The following SSX2IP variants were observed in gnomAD, a reference collection of about 807,000 sequenced individuals.
The protein encoded by SSX2IP is afadin- and alpha-actinin-binding protein.
Under a neutral mutation model 84.9 loss-of-function variants are expected in SSX2IP, and 55 were observed. The ratio of observed to expected loss-of-function variants is 0.65; its 90% confidence interval spans 0.52 to 0.81. The LOEUF (loss-of-function observed/expected upper bound fraction) is 0.81. Ranked by LOEUF, SSX2IP falls within the 30% of genes least tolerant of loss-of-function variation. The probability of loss-of-function intolerance (pLI) is 0.00; values close to 1 mark genes in which losing one functional copy is unlikely to be tolerated. For synonymous variants in SSX2IP, 239 were observed against 234.7 expected (o/e 1.02, Z -0.17); for missense variants, 664 against 705.2 (o/e 0.94, Z 0.66).
chr1:84,662,724 C>T (rs1557491517), intron 6 of SSX2IP, among the ~76,000 whole-genome samples, 194 bp from the exon 7 acceptor site: 3 of 152,092 alleles, frequency 2.0e-5, no homozygotes, highest in African/African-American at 7.2e-5. Context: ...TATTTAACTG[C>T]TTAGCCTGTT....
chr1:84,661,238 A>G (rs1188917668), intron 8 of SSX2IP, among the ~76,000 whole-genome samples: 1 of 152,108 alleles, frequency 6.6e-6, no homozygotes, highest in Non-Finnish European at 1.5e-5. Context: ...GCTGTTAACT[A>G]GCATTTTCCA....
rs1649273143 is a variant in SSX2IP, at chr1:84,644,694, A to G, written c.*2739T>C. The G allele has an allele frequency of 6.6e-6, 1 of 152,210 alleles. No individual in the cohort carries two copies. The highest frequency in any genetic ancestry group is 2.4e-5 in the African/African-American group (1 of 41,458). The allele number at this position is 152,210 out of a possible 1,614,324, so 9.4% of individuals were successfully genotyped here. A position where few individuals can be genotyped will look rare whatever the true frequency, so the allele number is the denominator to read the frequency against. Reference sequence around the variant, plus strand: ...AAATGTTCCACCAGGGGCAGTCAAGACTAGATTCACGGTGCTCTCTTCATC... The same window carrying G: ...AAATGTTCCACCAGGGGCAGTCAAGGCTAGATTCACGGTGCTCTCTTCATC... On this transcript the variant is annotated 3_prime_UTR_variant, in exon 14 of 14. Coordinates refer to ENST00000342203, the MANE Select transcript of SSX2IP (RefSeq NM_001166293.2).
intron 1 of SSX2IP, among the ~76,000 whole-genome samples, chr1:84,688,664 G>A (rs1410474773): frequency 6.6e-6 from 1 of 152,164 alleles, no homozygotes; most frequent in Non-Finnish European, 1.5e-5. Context: ...AACAATTTCA[G>A]CGTAACATTT....
At chr1:84,655,587 A>AG in intron 11 of SSX2IP, 1 of 1,446,252 alleles carries the variant, frequency 6.9e-7, no homozygotes, top group Non-Finnish European at 9.2e-7. Flanking sequence ...GAGAAAGCCA[A>AG]TCTGAAAGCA....
At chr1:84,672,601 C>T (rs1653743247) in intron 1 of SSX2IP, among the ~76,000 whole-genome samples, 1 of 152,152 alleles carries the variant, frequency 6.6e-6, no homozygotes, top group Non-Finnish European at 1.5e-5. Context: ...AGTTATACCT[C>T]AAACAACAGC....
intron 4 of SSX2IP, among the ~76,000 whole-genome samples, chr1:84,667,120 G>C (rs1318968308): frequency 6.6e-6 from 1 of 151,792 alleles, no homozygotes; most frequent in Non-Finnish European, 1.5e-5. Context: ...ATAACTTACA[G>C]GCACTAGGCC....
chr1:84,647,370 C>CTG lies in SSX2IP; in HGVS notation c.*61_*62dup. ...GAGATAACTGACTTTATGACACACC[C>CTG]TGTTTCAACTTAGATGTGAAACTTG... On this transcript the variant is annotated 3_prime_UTR_variant, in exon 14 of 14. Transcript: ENST00000342203. The CTG allele has an allele frequency of 1.4e-6, 2 of 1,405,924 alleles. No individual in the cohort carries two copies. Among genetic ancestry groups the CTG allele is most frequent in the Non-Finnish European group, 1.9e-6 (2 of 1,045,566 alleles). 87.1% of individuals were successfully genotyped at this position (1,405,924 alleles called of 1,614,324 possible). A position where few individuals can be genotyped will look rare whatever the true frequency, so the allele number is the denominator to read the frequency against.
At chr1:84,683,101 C>G (rs187695633) in intron 1 of SSX2IP, among the ~76,000 whole-genome samples, 184 of 151,928 alleles carry the variant, frequency 1.2e-3, no homozygotes, top group African/African-American at 4.2e-3. Context: ...AACATTACAC[C>G]CTACTATCTT....
chr1:84,670,949 A>T, intron 2 of SSX2IP, 134 bp from the exon 3 acceptor site: 1 of 821,672 alleles, frequency 1.2e-6, no homozygotes, highest in Non-Finnish European at 1.8e-6. Flanking sequence ...ACATATTTTA[A>T]GGTATTTTCA....
chr1:84,648,695 T>C (rs2994941), intron 13 of SSX2IP, among the ~76,000 whole-genome samples: 135,568 of 152,252 alleles, frequency 0.89, 60,672 homozygotes, highest in Non-Finnish European at 0.94. Flanking sequence ...CTAGAATTTG[T>C]GTCTATATCT....
Position 84,655,914 on chromosome 1 carries a change from C to G in SSX2IP, c.1307G>C (p.Trp436Ser). The change falls in exon 11 of 14, where the codon TGG becomes TCG. Residue 436 changes from tryptophan to serine, a missense_variant. Transcript: ENST00000342203. ...LEEKERLKEE[W>S]SLFKEQKKNF... ...CTTTTTCTGCTCTTTAAAAAGGGAC[C>G]ATTCTTCTTTGAGACGTTCCTTTTC... 6.2e-7 allele frequency: 1 copy of G among 1,613,960 alleles called. No individual in the cohort carries two copies. Among genetic ancestry groups the G allele is most frequent in the Non-Finnish European group, 8.5e-7 (1 of 1,179,936 alleles).
chr1:84,689,834 T>C (rs1257640631), intron 1 of SSX2IP, among the ~76,000 whole-genome samples: 2 of 152,210 alleles, frequency 1.3e-5, no homozygotes, highest in African/African-American at 4.8e-5. Context: ...TGATGTAAAT[T>C]CTTCCCCTAG....
intron 5 of SSX2IP, 128 bp downstream of exon 5, chr1:84,665,994 T>C: frequency 1.4e-6 from 1 of 694,528 alleles, no homozygotes; most frequent in Non-Finnish European, 2.4e-6. Flanking sequence ...AGGTCCACCA[T>C]ATCAATTTGG....
chr1:84,679,121 C>T (rs1192983040), intron 1 of SSX2IP, among the ~76,000 whole-genome samples: 2 of 151,500 alleles, frequency 1.3e-5, no homozygotes, highest in Admixed American at 6.6e-5. Context: ...AACATTAGTC[C>T]TATTTTACAA....
chr1:84,681,804 G>A (rs1461757069), intron 1 of SSX2IP, among the ~76,000 whole-genome samples: 12 of 152,296 alleles, frequency 7.9e-5, no homozygotes, highest in Middle Eastern at 3.4e-3. Context: ...ATACCCATGA[G>A]CAAGGGTAAT....
At chr1:84,670,433 C>T (rs950388826) in intron 3 of SSX2IP, 1 of 325,030 alleles carries the variant, frequency 3.1e-6, no homozygotes, top group African/African-American at 2.2e-5. Flanking sequence ...GTGGAGGAGC[C>T]CCTGGGACAA....
intron 1 of SSX2IP, among the ~76,000 whole-genome samples, chr1:84,677,446 T>G (rs556362221): frequency 1.3e-5 from 2 of 152,302 alleles, no homozygotes; most frequent in South Asian, 4.1e-4. Context: ...AGGTTCTCAA[T>G]ACACAACAAT....
chr1:84,671,867 C>A (rs1213958717), intron 1 of SSX2IP, among the ~76,000 whole-genome samples: 2 of 152,098 alleles, frequency 1.3e-5, no homozygotes, highest in Non-Finnish European at 2.9e-5. Flanking sequence ...TCCAGAAAAT[C>A]TACTTCAAAA....
At chr1:84,649,985 T>G (rs1461781668) in intron 13 of SSX2IP, 1 of 606,090 alleles carries the variant, frequency 1.6e-6, no homozygotes, top group South Asian at 1.4e-5. Context: ...CGGAAAAAAG[T>G]GTTAAGATAT....
Sources: gnomAD v4.1 joint callset for allele counts (sites outside exome capture counted in the v4.1 genomes callset) on GRCh38, gnomAD v4.1.1 for gene constraint, MANE v1.5 for transcripts, NCBI Gene and HGNC (gene_info 2026-07-23, HGNC 2026-07-21) for gene names.